The following SHOC2 variants were observed in gnomAD, a reference collection of about 807,000 sequenced individuals.
SHOC2 encodes the protein SHOC2 leucine rich repeat scaffold protein, also known as leucine-rich repeat protein SHOC-2.
Under a neutral mutation model 50.2 loss-of-function variants are expected in SHOC2, and 4 were observed. That is an observed-to-expected ratio of 0.08 (90% CI 0.04 to 0.18). The LOEUF is 0.18. SHOC2 is among the 10% of genes least tolerant of loss of function. SHOC2 has a pLI of 1.00. For missense variants in SHOC2, 388 were observed against 669.6 expected (o/e 0.58, Z 4.64); for synonymous variants, 218 against 244.5 (o/e 0.89, Z 1.01).
chr10:110,963,123 C>T (rs989261489), intron 1 of SHOC2, among the ~76,000 whole-genome samples: 4 of 152,018 alleles, frequency 2.6e-5, no homozygotes, highest in African/African-American at 9.7e-5. Context: ...ATCCCTAGTA[C>T]CAAATAATTA....
chr10:110,940,501 G>A (rs536697992), intron 1 of SHOC2, among the ~76,000 whole-genome samples: 11 of 152,244 alleles, frequency 7.2e-5, no homozygotes, highest in Admixed American at 6.5e-4. Flanking sequence ...AATGTTCAAA[G>A]TATAATGTGA....
intron 2 of SHOC2, among the ~76,000 whole-genome samples, chr10:110,977,357 T>TTA (rs1274064487): frequency 1.3e-5 from 2 of 152,140 alleles, no homozygotes; most frequent in Admixed American, 6.5e-5. Context: ...GTTCAAGCGA[T>TTA]TCTCCTGCCT....
At chr10:110,980,230 C>T (rs552460313) in intron 2 of SHOC2, among the ~76,000 whole-genome samples, 115 of 150,630 alleles carry the variant, frequency 7.6e-4, no homozygotes, top group African/African-American at 2.7e-3. Flanking sequence ...AGTCTCTGCT[C>T]ACTGCAAGCT....
chr10:110,997,184 A>G (rs761762116), intron 3 of SHOC2, among the ~76,000 whole-genome samples: 2 of 152,244 alleles, frequency 1.3e-5, no homozygotes, highest in Non-Finnish European at 2.9e-5. Flanking sequence ...ATATACTATT[A>G]AAAACATGTA....
At position 110,946,068 on chromosome 10, in the gene SHOC2, A is replaced by G. The variant is rs1847240725; in HGVS notation, c.-234-18057A>G. Reference sequence around the variant, plus strand: ...TGGGATTGTCCTTTTCATCCTACTCAGGCCCTGAGTAGGATTTTTTTAATC... The same window carrying G: ...TGGGATTGTCCTTTTCATCCTACTCGGGCCCTGAGTAGGATTTTTTTAATC... On this transcript the variant is annotated intron_variant, in intron 1 of 8. Coordinates refer to ENST00000369452, the MANE Select transcript of SHOC2 (RefSeq NM_007373.4). 7.2e-5 allele frequency among the ~76,000 whole-genome samples: 11 copies of G among 152,100 alleles called. No individual in the cohort carries two copies. In the South Asian group the frequency reaches 1.9e-3, roughly 26 times the overall value.
Position 111,012,717 on chromosome 10 carries a change from A to G in SHOC2, c.*899A>G, listed in dbSNP as rs1590841672. On this transcript the variant is annotated 3_prime_UTR_variant, in exon 9 of 9. Coordinates refer to ENST00000369452, the MANE Select transcript of SHOC2 (RefSeq NM_007373.4). ...CACACAATCTATATATGTATATACA[A>G]TGCTATATAGATATGTATTTATTAT... is the stretch of plus-strand genomic sequence containing the variant. The G allele has an allele frequency of 1.3e-5, 2 of 152,462 alleles. No individual in the cohort carries two copies. The highest frequency in any genetic ancestry group is 1.9e-4 in the East Asian group (1 of 5,196). The allele number at this position is 152,462 out of a possible 1,614,324, so 9.4% of individuals were successfully genotyped here. A position where few individuals can be genotyped will look rare whatever the true frequency, so the allele number is the denominator to read the frequency against.
chr10:110,985,458 G>A lies in SHOC2; in HGVS notation c.704-170G>A, dbSNP rs140973229. Among the ~76,000 whole-genome samples the A allele has an allele frequency of 1.6e-3, 238 of 151,964 alleles. 2 individuals are homozygous for A. The highest frequency in any genetic ancestry group is 5.7e-3 in the African/African-American group (234 of 41,402). On this transcript the variant is annotated intron_variant, in intron 2 of 8. Coordinates refer to ENST00000369452, the MANE Select transcript of SHOC2 (RefSeq NM_007373.4). ...AAGTTTTTATTTTCTGGCAATGCAAGTATGTTCACTAAATGATTTAAAATT... is the reference window on the plus strand; with the variant it reads ...AAGTTTTTATTTTCTGGCAATGCAAATATGTTCACTAAATGATTTAAAATT...
chr10:111,010,859 A>G (rs536755988), intron 8 of SHOC2, among the ~76,000 whole-genome samples: 12 of 152,308 alleles, frequency 7.9e-5, no homozygotes, highest in South Asian at 4.1e-4. Flanking sequence ...AATATCTTAC[A>G]TGTAAACAAA....
intron 3 of SHOC2, among the ~76,000 whole-genome samples, chr10:110,993,466 G>A (rs1430481380): frequency 6.6e-6 from 1 of 152,128 alleles, no homozygotes; most frequent in African/African-American, 2.4e-5. Flanking sequence ...TTTGCCAGTG[G>A]TCTCAAGTGA....
chr10:110,984,144 C>T (rs923954562), intron 2 of SHOC2, among the ~76,000 whole-genome samples: 1 of 152,228 alleles, frequency 6.6e-6, no homozygotes, highest in African/African-American at 2.4e-5. Flanking sequence ...GTTCCGATTT[C>T]TCCACATCCT....
At chr10:110,990,859 A>C (rs1848173743) in intron 3 of SHOC2, among the ~76,000 whole-genome samples, 1 of 152,156 alleles carries the variant, frequency 6.6e-6, no homozygotes, top group Non-Finnish European at 1.5e-5. Context: ...TTATCAAGTG[A>C]TTTTCTTATC....
intron 4 of SHOC2, among the ~76,000 whole-genome samples, chr10:111,002,557 C>G (rs1231953565): frequency 6.6e-6 from 1 of 152,156 alleles, no homozygotes; most frequent in African/African-American, 2.4e-5. Context: ...CATGTATTGT[C>G]TCATTTAATC....
chr10:110,964,618 A>T lies in SHOC2; in HGVS notation c.260A>T (p.Asn87Ile). The T allele has an allele frequency of 6.2e-7, 1 of 1,614,158 alleles. No homozygotes were observed. The highest frequency in any genetic ancestry group is 8.5e-7 in the Non-Finnish European group (1 of 1,179,988). Residue 87 changes from asparagine (N) to isoleucine (I), a missense_variant, in exon 2 of 9, where the codon AAT becomes ATT. Around this residue, in one of 5 missense-constraint regions of SHOC2, gnomAD observed 121 missense variants for 145.5 expected, o/e 0.83. Coordinates refer to ENST00000369452, the MANE Select transcript of SHOC2 (RefSeq NM_007373.4). The surrounding 1 kb of genome is among the most constrained non-coding windows in gnomAD (Gnocchi z 4.9). ...CCTGGGACTAGAAAAAAATCCAGCAATGCAGAGGTGATTAAAGAGCTCAAC... is the reference window on the plus strand; with the variant it reads ...CCTGGGACTAGAAAAAAATCCAGCATTGCAGAGGTGATTAAAGAGCTCAAC... ...PAPGTRKKSSNAEVIKELNKC... is the reference protein window; with the variant it reads ...PAPGTRKKSSIAEVIKELNKC...
At chr10:110,925,070 C>CAAAA (rs763203844) in intron 1 of SHOC2, among the ~76,000 whole-genome samples, 3 of 82,450 alleles carry the variant, frequency 3.6e-5, no homozygotes, top group South Asian at 4.5e-4. Context: ...GACTCTGTCT[C>CAAAA]AAAAAAAAAA....
chr10:110,954,743 A>C (rs1847425044), intron 1 of SHOC2, among the ~76,000 whole-genome samples: 1 of 152,218 alleles, frequency 6.6e-6, no homozygotes, highest in Admixed American at 6.5e-5. Flanking sequence ...TGGTCAGAGA[A>C]GGCTTTATTT....
Position 110,995,080 on chromosome 10 carries a change from T to C in SHOC2, c.842-5335T>C, listed in dbSNP as rs528076873. 8.5e-5 allele frequency among the ~76,000 whole-genome samples: 13 copies of C among 152,356 alleles called. No individual in the cohort carries two copies. In the South Asian group the frequency reaches 2.7e-3, roughly 32 times the overall value. On this transcript the variant is annotated intron_variant, in intron 3 of 8. Coordinates refer to ENST00000369452, the MANE Select transcript of SHOC2 (RefSeq NM_007373.4). ...AATAGATTTTTATGGGCCTTTCATATAATTTTTTGTATCTTGTTCCTAATG... is the reference window on the plus strand; with the variant it reads ...AATAGATTTTTATGGGCCTTTCATACAATTTTTTGTATCTTGTTCCTAATG...
At chr10:110,939,773 A>G (rs774924034) in intron 1 of SHOC2, among the ~76,000 whole-genome samples, 1 of 152,188 alleles carries the variant, frequency 6.6e-6, no homozygotes, top group East Asian at 1.9e-4. Flanking sequence ...CAATATTACT[A>G]CTAAGGAATA....
chr10:110,981,823 A>G (rs540584019), intron 2 of SHOC2, among the ~76,000 whole-genome samples: 24 of 151,066 alleles, frequency 1.6e-4, no homozygotes, highest in Admixed American at 7.2e-4. Context: ...AATCCCTTTT[A>G]TATTGTTGAA....
intron 1 of SHOC2, among the ~76,000 whole-genome samples, chr10:110,946,799 G>A (rs889144804): frequency 6.6e-6 from 1 of 152,122 alleles, no homozygotes; most frequent in African/African-American, 2.4e-5. Context: ...GGAGGTTGGA[G>A]GTAAGGGCTT....
Sources: gnomAD v4.1 joint callset for allele counts (sites outside exome capture counted in the v4.1 genomes callset) on GRCh38, gnomAD v4.1.1 for gene constraint, gnomAD v4.1.1 regional missense constraint, Gnocchi (gnomAD v3.1) non-coding constraint, MANE v1.5 for transcripts, NCBI Gene and HGNC (gene_info 2026-07-23, HGNC 2026-07-21) for gene names.